The following MBD5 variants were observed in gnomAD, a reference collection of about 807,000 sequenced individuals.
MBD5 encodes the protein methyl-CpG binding domain protein 5, also known as methyl-CpG-binding domain protein 5.
A neutral mutation model predicts 117.3 loss-of-function variants in MBD5; 13 were observed. The ratio of observed to expected loss-of-function variants is 0.11; its 90% CI spans 0.07 to 0.18. The LOEUF (loss-of-function observed/expected upper bound fraction) is 0.18, where lower values mean the gene tolerates loss of function less well. Among genes scored for constraint, MBD5 ranks in the 10% least tolerant of loss-of-function variants. MBD5 has a pLI of 1.00. For missense variants in MBD5, 1,879 were observed against 2,093.8 expected (o/e 0.90, Z 2.00); for synonymous variants, 727 against 766.4 (o/e 0.95, Z 0.85).
At chr2:148,375,276 T>G (rs1241165645) in intron 4 of MBD5, among the ~76,000 whole-genome samples, 5 of 152,220 alleles carry the variant, frequency 3.3e-5, no homozygotes. Flanking sequence ...CACATAATCC[T>G]CACTGACCAG....
At chr2:148,446,396 C>CAAAA in intron 4 of MBD5, among the ~76,000 whole-genome samples, 1 of 151,846 alleles carries the variant, frequency 6.6e-6, no homozygotes, top group African/African-American at 2.4e-5. Flanking sequence ...AGGTGATATC[C>CAAAA]AAAAACAAAC....
intron 4 of MBD5, among the ~76,000 whole-genome samples, chr2:148,356,475 C>G (rs1018438380): frequency 6.6e-5 from 10 of 152,228 alleles, no homozygotes; most frequent in South Asian, 4.1e-4. Context: ...AGAATCTGTT[C>G]TAACTAATTT....
chr2:148,409,032 A>T (rs997874070), intron 4 of MBD5, among the ~76,000 whole-genome samples: 1 of 152,072 alleles, frequency 6.6e-6, no homozygotes, highest in Admixed American at 6.6e-5. Context: ...AGGTTCTGAA[A>T]CCAGTCCCCT....
chr2:148,226,883 A>G lies in MBD5; in HGVS notation c.-830-6362A>G, dbSNP rs561041953. The stretch of plus-strand genomic sequence containing the variant: ...GGCCAGTGATGGTGAGCATTTTTTC[A>G]TGTGTGTTTTGGCTGCATAAATGTC... On this transcript the variant is annotated intron_variant, in intron 2 of 13. Transcript: ENST00000642680. 2.0e-3 allele frequency among the ~76,000 whole-genome samples: 297 copies of G among 152,228 alleles called. 1 individual carries two copies. The highest frequency in any genetic ancestry group is 6.8e-3 in the African/African-American group (284 of 41,534).
chr2:148,213,746 A>G (rs1043013209), intron 2 of MBD5, among the ~76,000 whole-genome samples: 7 of 152,174 alleles, frequency 4.6e-5, no homozygotes, highest in African/African-American at 1.7e-4. Flanking sequence ...CTACATAAAT[A>G]CAACTTTTTG....
intron 3 of MBD5, among the ~76,000 whole-genome samples, chr2:148,255,099 C>T (rs1700554066): frequency 6.6e-6 from 1 of 152,220 alleles, no homozygotes; most frequent in Non-Finnish European, 1.5e-5. Flanking sequence ...GGTGTGGGCC[C>T]AGTCCACAAT....
At chr2:148,084,097 T>C (rs577763810) in intron 1 of MBD5, among the ~76,000 whole-genome samples, 2 of 152,324 alleles carry the variant, frequency 1.3e-5, no homozygotes, top group African/African-American at 4.8e-5. Context: ...CTGTTTGCAA[T>C]ACAAGACGAA....
At chr2:148,297,791 G>C (rs1701690156) in intron 3 of MBD5, among the ~76,000 whole-genome samples, 1 of 151,462 alleles carries the variant, frequency 6.6e-6, no homozygotes, top group South Asian at 2.1e-4. Flanking sequence ...TTCTCTCATG[G>C]AGATACTAGC....
At chr2:148,479,387 G>A (rs769401282) in intron 8 of MBD5, among the ~76,000 whole-genome samples, 13 of 152,140 alleles carry the variant, frequency 8.5e-5, no homozygotes, top group Non-Finnish European at 1.8e-4. Context: ...CCAACACATA[G>A]CATCAAACTA....
intron 1 of MBD5, among the ~76,000 whole-genome samples, chr2:148,086,788 C>G (rs926708493): frequency 6.6e-6 from 1 of 152,130 alleles, no homozygotes; most frequent in Non-Finnish European, 1.5e-5. Flanking sequence ...ATCCTTTCCT[C>G]TTTATGCTAC....
At chr2:148,114,114 A>G (rs573820194) in intron 1 of MBD5, among the ~76,000 whole-genome samples, 4 of 152,198 alleles carry the variant, frequency 2.6e-5, no homozygotes, top group Non-Finnish European at 4.4e-5. Flanking sequence ...CTCTGATTAC[A>G]TTGATGAAAT....
At chr2:148,426,163 A>C (rs1175711999) in intron 4 of MBD5, among the ~76,000 whole-genome samples, 1 of 152,254 alleles carries the variant, frequency 6.6e-6, no homozygotes, top group Non-Finnish European at 1.5e-5. Context: ...GATACAAACA[A>C]GTGGAAGAAC....
intron 4 of MBD5, among the ~76,000 whole-genome samples, chr2:148,367,984 C>T (rs59484792): frequency 0.11 from 16,283 of 152,022 alleles, 1,040 homozygotes; most frequent in African/African-American, 0.16. Context: ...GGTTATATAC[C>T]CAAAGGATTA....
intron 3 of MBD5, among the ~76,000 whole-genome samples, chr2:148,340,904 T>G (rs1024496364): frequency 6.6e-6 from 1 of 151,512 alleles, no homozygotes; most frequent in Non-Finnish European, 1.5e-5. Context: ...ACTGATACTT[T>G]AAGTGCTTTG....
At chr2:148,425,199 G>A (rs1705740502) in intron 4 of MBD5, among the ~76,000 whole-genome samples, 1 of 152,000 alleles carries the variant, frequency 6.6e-6, no homozygotes. Context: ...AATGATAAAG[G>A]GAATATCACC....
chr2:148,169,033 C>T (rs556802454), intron 1 of MBD5, among the ~76,000 whole-genome samples: 1 of 150,862 alleles, frequency 6.6e-6, no homozygotes, highest in South Asian at 2.1e-4. Flanking sequence ...TTCTATAACA[C>T]TGCGCAGAGG....
chr2:148,505,120 A>G (rs1391314857), intron 12 of MBD5, among the ~76,000 whole-genome samples: 2 of 152,178 alleles, frequency 1.3e-5, no homozygotes, highest in Admixed American at 6.5e-5. Context: ...CTTAGGAGGT[A>G]AAATAGACAG....
chr2:148,414,203 T>G lies in MBD5; in HGVS notation c.-556-44000T>G, dbSNP rs1285278476. 2.6e-5 allele frequency among the ~76,000 whole-genome samples: 4 copies of G among 152,292 alleles called. No homozygotes were observed. The East Asian group carries it at 7.7e-4, about 29-fold the overall frequency. ...ATTAATTTCAAAGAGTTTCTGGATT[T>G]TGGCCTTAATTTCATTATTTACCCA... On this transcript the variant is annotated intron_variant, in intron 4 of 13. Transcript: ENST00000642680.
intron 1 of MBD5, among the ~76,000 whole-genome samples, chr2:148,033,871 GT>G (rs1279811402): frequency 6.6e-6 from 1 of 152,092 alleles, no homozygotes; most frequent in Non-Finnish European, 1.5e-5. Context: ...TTATTTATTT[GT>G]TTACTTATTT....
Sources: allele counts gnomAD v4.1 joint callset (sites outside exome capture counted in the v4.1 genomes callset), GRCh38; gene constraint gnomAD v4.1.1; transcripts MANE v1.5; gene names NCBI Gene and HGNC (gene_info 2026-07-23, HGNC 2026-07-21).